The following AP3B1 variants were observed in gnomAD, a reference collection of about 807,000 sequenced individuals.
AP3B1 encodes the protein adaptor related protein complex 3 subunit beta 1, also known as AP-3 complex subunit beta-1.
Under a neutral mutation model 132.5 loss-of-function variants are expected in AP3B1, and 61 were observed. The observed-to-expected ratio is 0.46, with a 90% CI of 0.37 to 0.57. AP3B1 has a LOEUF of 0.57. Among genes scored for constraint, AP3B1 ranks in the 20% least tolerant of loss-of-function variants. The probability of loss-of-function intolerance (pLI) is 0.00; values close to 1 mark genes in which losing one functional copy is unlikely to be tolerated. For synonymous variants in AP3B1, 388 were observed against 438.3 expected (o/e 0.89, Z 1.43); for missense variants, 1,120 against 1,289.4 (o/e 0.87, Z 2.01).
intron 7 of AP3B1, among the ~76,000 whole-genome samples, chr5:78,193,770 A>ATATCTATATTTTTTTTT: frequency 1.5e-5 from 1 of 67,218 alleles, no homozygotes; most frequent in Non-Finnish European, 3.2e-5. Context: ...ATATATATAT[A>ATATCTATATTTTTTTTT]TTTTTTTTTT....
chr5:78,097,246 G>GC (rs1750878472), intron 21 of AP3B1, among the ~76,000 whole-genome samples: 1 of 98,006 alleles, frequency 1.0e-5, no homozygotes, highest in African/African-American at 3.9e-5. Flanking sequence ...GGGGGGGTCA[G>GC]CCCCCCGCCC....
At chr5:78,175,741 G>A (rs767634109) in intron 10 of AP3B1, 43 bp downstream of exon 10, 23 of 1,605,380 alleles carry the variant, frequency 1.4e-5, no homozygotes, top group Non-Finnish European at 2.0e-5. Flanking sequence ...TGGTACTAAT[G>A]TGTTCATGTG....
chr5:78,267,710 C>T, intron 1 of AP3B1, 115 bp from the exon 2 acceptor site: 1 of 643,998 alleles, frequency 1.6e-6, no homozygotes, highest in Non-Finnish European at 2.6e-6. Context: ...TAAATAACTG[C>T]AGCAAGAAGG....
In AP3B1 at chr5:78,023,447, G is replaced by T. The variant is rs1747191743; in HGVS notation, c.2895-2658C>A. ...ATAGAGTGAGACCCCATCAAGAAAAGAAAAGAAAAGAAAAGAAAAGAAAAA... is the reference window on the plus strand; with the variant it reads ...ATAGAGTGAGACCCCATCAAGAAAATAAAAGAAAAGAAAAGAAAAGAAAAA... On this transcript the variant is annotated intron_variant, in intron 24 of 26. Transcript: ENST00000255194. Among the ~76,000 whole-genome samples, 3 of 148,078 alleles carry T rather than the reference G, an allele frequency of 2.0e-5. No homozygotes were observed. In the South Asian group the frequency reaches 6.3e-4, roughly 31 times the overall value.
intron 26 of AP3B1, chr5:78,003,438 A>C: frequency 1.3e-6 from 1 of 744,654 alleles, no homozygotes; most frequent in Non-Finnish European, 1.6e-6. Context: ...TTTATTTTTA[A>C]AACATGTTAA....
chr5:78,051,240 T>C (rs1165156014), intron 22 of AP3B1, among the ~76,000 whole-genome samples: 1 of 152,166 alleles, frequency 6.6e-6, no homozygotes, highest in African/African-American at 2.4e-5. Context: ...ACAGACAGCG[T>C]GCAATTTTAG....
chr5:78,263,116 A>G (rs1320437402), intron 2 of AP3B1, among the ~76,000 whole-genome samples: 1 of 152,184 alleles, frequency 6.6e-6, no homozygotes, highest in African/African-American at 2.4e-5. Context: ...TCATTTTGAC[A>G]TCTTAACAAT....
At chr5:78,180,837 ATTTTC>A (rs1367628184) in intron 8 of AP3B1, among the ~76,000 whole-genome samples, 1 of 151,880 alleles carries the variant, frequency 6.6e-6, no homozygotes, top group Non-Finnish European at 1.5e-5. Flanking sequence ...TGATGTTTTA[ATTTTC>A]TTTTTAGTTT....
intron 22 of AP3B1, among the ~76,000 whole-genome samples, chr5:78,083,487 CA>C (rs1453587555): frequency 2.0e-5 from 3 of 152,082 alleles, no homozygotes; most frequent in African/African-American, 7.2e-5. Flanking sequence ...TTCATCCCTG[CA>C]AGAAGCATAC....
chr5:78,224,591 C>T (rs1161302753), intron 6 of AP3B1, among the ~76,000 whole-genome samples: 1 of 151,922 alleles, frequency 6.6e-6, no homozygotes, highest in Non-Finnish European at 1.5e-5. Context: ...CAAGAGCCAA[C>T]TATATGCTGT....
chr5:78,276,893 C>A (rs1364159107), intron 1 of AP3B1, among the ~76,000 whole-genome samples: 8 of 144,280 alleles, frequency 5.5e-5, no homozygotes, highest in African/African-American at 2.0e-4. Context: ...GAAGAAGAAG[C>A]AAATTTATAT....
At chr5:78,141,399 A>G (rs1161103150) in intron 14 of AP3B1, 80 bp from the exon 15 acceptor site, 1 of 1,168,120 alleles carries the variant, frequency 8.6e-7, no homozygotes, top group East Asian at 2.5e-5. Flanking sequence ...TTTAACTATT[A>G]CAAAAGTTTT....
intron 22 of AP3B1, among the ~76,000 whole-genome samples, chr5:78,073,251 T>C (rs1749622249): frequency 6.6e-6 from 1 of 152,202 alleles, no homozygotes; most frequent in African/African-American, 2.4e-5. Context: ...TTAAGAGATT[T>C]AATACTATTA....
intron 22 of AP3B1, among the ~76,000 whole-genome samples, chr5:78,075,181 G>GT (rs1334525208): frequency 6.6e-6 from 1 of 152,086 alleles, no homozygotes; most frequent in African/African-American, 2.4e-5. Flanking sequence ...AGGAGAACTG[G>GT]TAGGGGGGTG....
chr5:78,084,249 G>A (rs764307022), intron 22 of AP3B1, among the ~76,000 whole-genome samples: 3 of 152,152 alleles, frequency 2.0e-5, no homozygotes, highest in Non-Finnish European at 4.4e-5. Context: ...ATCTGGTTGA[G>A]TGTGGTGGCT....
chr5:78,094,267 G>A (rs935628934), intron 21 of AP3B1, among the ~76,000 whole-genome samples: 1 of 152,082 alleles, frequency 6.6e-6, no homozygotes, highest in Non-Finnish European at 1.5e-5. Context: ...TCTAACAAAA[G>A]ACTGTTAGGT....
chr5:78,202,207 C>G (rs1309231754), intron 7 of AP3B1, among the ~76,000 whole-genome samples: 7 of 152,156 alleles, frequency 4.6e-5, no homozygotes, highest in Admixed American at 4.6e-4. Context: ...ATTGTAAGGC[C>G]TCCCCAGCCA....
Position 78,263,111 on chromosome 5 carries a change from T to C in AP3B1, c.204+4409A>G, listed in dbSNP as rs570129138. Among the ~76,000 whole-genome samples, 4 of 152,334 alleles carry C rather than the reference T, an allele frequency of 2.6e-5. 1 individual carries two copies. The South Asian group carries it at 8.3e-4, about 32-fold the overall frequency. ...AATTGCATTGAATATACAGATCATT[T>C]TGACATCTTAACAATATTAGTCTTC... On this transcript the variant is annotated intron_variant, in intron 2 of 26. Transcript: ENST00000255194.
At chr5:78,044,022 G>A (rs11746090) in intron 22 of AP3B1, 61,764 of 288,524 alleles carry the variant, frequency 0.21, 7,974 homozygotes, top group Non-Finnish European at 0.27. Context: ...AACCCCTGAA[G>A]GAAAATCTCC....
Sources: gnomAD v4.1 joint callset for allele counts (sites outside exome capture counted in the v4.1 genomes callset) on GRCh38, gnomAD v4.1.1 for gene constraint, MANE v1.5 for transcripts, NCBI Gene and HGNC (gene_info 2026-07-23, HGNC 2026-07-21) for gene names.